Variants in MOGS observed in about 807,000 individuals in gnomAD.
MOGS encodes mannosyl-oligosaccharide glucosidase.
MOGS carries 45 observed loss-of-function variants against 68.5 expected under a neutral mutation model. The observed-to-expected ratio is 0.66, with a 90% CI of 0.52 to 0.84. The LOEUF (loss-of-function observed/expected upper bound fraction) is 0.84. Ranked by LOEUF, MOGS falls within the 40% of genes least tolerant of loss-of-function variation. The pLI is 0.00. For missense variants in MOGS, 1,020 were observed against 1,095.0 expected, an observed-to-expected ratio of 0.93 and a Z score of 0.97; for synonymous variants, 492 against 461.2, an observed-to-expected ratio of 1.07 and a Z score of -0.86.
rs1671966257 is a variant in MOGS, at chr2:74,462,867, C to G, written c.922G>C (p.Asp308His). ...LGLPGSLKWE[D>H]RGPSGQGQGQ... Reference sequence around the variant, plus strand: ...TGCCCTTGCCCACTTGGACCTCTGTCCTCCCACTTCAGGGATCCTGGCAAG... The same window carrying G: ...TGCCCTTGCCCACTTGGACCTCTGTGCTCCCACTTCAGGGATCCTGGCAAG... The change falls in exon 4 of 4, where the codon GAC becomes CAC. Residue 308 changes from aspartate to histidine, a missense_variant. Physicochemically the swap from Asp to His is moderately conservative, Grantham distance 81. This residue lies in a region of MOGS where 569 missense variants were observed against 571.9 expected (regional missense o/e 0.99). Transcript: ENST00000448666. 1.9e-6 allele frequency: 3 copies of G among 1,614,224 alleles called. No homozygotes were observed. Among genetic ancestry groups the G allele is most frequent in the Non-Finnish European group, 2.5e-6 (3 of 1,180,054 alleles).
In MOGS at chr2:74,464,881, C is replaced by A; in HGVS notation, c.352+15G>T. 6.2e-7 allele frequency: 1 copy of A among 1,604,224 alleles called. No individual in the cohort carries two copies. Among genetic ancestry groups the A allele is most frequent in the East Asian group, 2.2e-5 (1 of 44,516 alleles). On this transcript the variant is annotated intron_variant, in intron 1 of 3. Coordinates refer to ENST00000448666, the MANE Select transcript of MOGS (RefSeq NM_006302.3). Reference sequence around the variant, plus strand: ...TTAGGAGTCCGCCTGCCTGCCCGCCCTGGGGCCCGGTTACCGGTGAGGAGG... The same window carrying A: ...TTAGGAGTCCGCCTGCCTGCCCGCCATGGGGCCCGGTTACCGGTGAGGAGG...
chr2:74,461,945 G>A lies in MOGS; in HGVS notation c.1844C>T (p.Ala615Val). 1 of 1,614,116 alleles carries A rather than the reference G, an allele frequency of 6.2e-7. No individual in the cohort carries two copies. The highest frequency in any genetic ancestry group is 8.5e-7 in the Non-Finnish European group (1 of 1,180,018). Residue 615 changes from alanine to valine, a missense_variant, in exon 4 of 4, where the codon GCA (alanine) becomes GTA (valine). Physicochemically the swap from Ala to Val is moderately conservative, Grantham distance 64. This residue lies in a region of MOGS where 181 missense variants were observed against 261.8 expected (regional missense o/e 0.69). Transcript: ENST00000448666. ...ALGARVLTRL[A>V]EHLGEAEVAA... is the part of the protein sequence containing the mutation. ...TACCTCAGCCTCACCCAGATGCTCTGCCAGCCGCGTCAGCACACGGGCACC... is the reference window on the plus strand; with the variant it reads ...TACCTCAGCCTCACCCAGATGCTCTACCAGCCGCGTCAGCACACGGGCACC...
In MOGS at chr2:74,461,162, T is replaced by C; in HGVS notation, c.*113A>G. ...CAGCAAGGAGACACCTGAGATGAAA[T>C]GAGGAAGGTTTGAATTACTGGTATC... On this transcript the variant is annotated 3_prime_UTR_variant, in exon 4 of 4. Transcript: ENST00000448666. The C allele has an allele frequency of 3.4e-6, 4 of 1,192,276 alleles. No homozygotes were observed. Among genetic ancestry groups the C allele is most frequent in the Non-Finnish European group, 3.6e-6 (3 of 824,052 alleles). The allele number at this position is 1,192,276 out of a possible 1,614,324, so 73.9% of individuals were successfully genotyped here.
In MOGS at chr2:74,461,862, G is replaced by C. The variant is rs766413704; in HGVS notation, c.1927C>G (p.Leu643Val). 6.2e-7 allele frequency: 1 copy of C among 1,613,992 alleles called. No individual in the cohort carries two copies. The highest frequency in any genetic ancestry group is 8.5e-7 in the Non-Finnish European group (1 of 1,180,044). Residue 643 changes from leucine (L) to valine (V), a missense_variant, in exon 4 of 4, where the codon CTG (leucine) becomes GTG (valine). Physicochemically the swap from Leu to Val is conservative, Grantham distance 32. Around this residue, in one of 3 missense-constraint regions of MOGS, gnomAD observed 270 missense variants for 261.3 expected, o/e 1.03. Coordinates refer to ENST00000448666, the MANE Select transcript of MOGS (RefSeq NM_006302.3). ...ACTCCTAGCTCTGGGGCCCAGTGCA[G>C]CTCATCCAGGCTCTCTGCTGCCTCC... ...SLEAAESLDELHWAPELGVFA... is the reference protein window; with the variant it reads ...SLEAAESLDEVHWAPELGVFA...
chr2:74,462,260 G>C lies in MOGS; in HGVS notation c.1529C>G (p.Ala510Gly), dbSNP rs976305108. 3.1e-6 allele frequency: 5 copies of C among 1,613,904 alleles called. No individual in the cohort carries two copies. The African/African-American group carries it at 4.0e-5, about 13-fold the overall frequency. ...PEFLVQRAVH[A>G]NPPTLLLPVA... ...AGGCAAAAGTAGGGTTGGGGGGTTGGCGTGGACTGCTCGTTGTACTAGGAA... is the reference window on the plus strand; with the variant it reads ...AGGCAAAAGTAGGGTTGGGGGGTTGCCGTGGACTGCTCGTTGTACTAGGAA... Residue 510 changes from alanine to glycine, a missense_variant, in exon 4 of 4, where the codon GCC becomes GGC. By Grantham distance (60) the Ala-to-Gly change is moderately conservative (BLOSUM62 0). Around this residue, in one of 3 missense-constraint regions of MOGS, gnomAD observed 181 missense variants for 261.8 expected, o/e 0.69. Coordinates refer to ENST00000448666, the MANE Select transcript of MOGS (RefSeq NM_006302.3).
Position 74,461,475 on chromosome 2 carries a change from G to A in MOGS, c.2314C>T (p.Leu772=). Residue 772 remains leucine, a synonymous_variant, in exon 4 of 4, where the codon CTG becomes TTG. Coordinates refer to ENST00000448666, the MANE Select transcript of MOGS (RefSeq NM_006302.3). ...GCCCGAGCCTGGTGAGGACCCTCCAGATGCCCATAGTGGTGGAGTGCTCCC... is the reference window on the plus strand; with the variant it reads ...GCCCGAGCCTGGTGAGGACCCTCCAAATGCCCATAGTGGTGGAGTGCTCCC... ...ALGALHHYGH[L]EGPHQARAAK... The A allele has an allele frequency of 2.5e-6, 4 of 1,614,210 alleles. No homozygotes were observed. Among genetic ancestry groups the A allele is most frequent in the Non-Finnish European group, 3.4e-6 (4 of 1,180,038 alleles).
chr2:74,464,461 T>A, intron 2 of MOGS, 35 bp downstream of exon 2: 1 of 1,603,518 alleles, frequency 6.2e-7, no homozygotes. Context: ...ATGGAGGGGG[T>A]CTGGGCTGAG....
Position 74,463,465 on chromosome 2 carries a change from A to G in MOGS, c.580-79T>C, listed in dbSNP as rs1671986415. 5.5e-6 allele frequency: 8 copies of G among 1,443,810 alleles called. No homozygotes were observed. The South Asian group carries it at 8.1e-5, about 15-fold the overall frequency. 89.4% of individuals were successfully genotyped at this position (1,443,810 alleles called of 1,614,324 possible). A position where few individuals can be genotyped will look rare whatever the true frequency, so the allele number is the denominator to read the frequency against. ...GAATTCCCTCTTGAGAATCAGCCTT[A>G]GTGAGGGAAAGGAACAGTAGGCAGG... On this transcript the variant is annotated intron_variant, in intron 2 of 3. Transcript: ENST00000448666.
intron 2 of MOGS, chr2:74,463,622 C>T (rs1397788748): frequency 5.5e-6 from 3 of 543,158 alleles, no homozygotes. Context: ...GTACTATGTC[C>T]TACACTAAGA....
At chr2:74,464,048 C>T (rs1247090201) in intron 2 of MOGS, among the ~76,000 whole-genome samples, 3 of 151,334 alleles carry the variant, frequency 2.0e-5, no homozygotes, top group Non-Finnish European at 2.9e-5. Context: ...CAACCTCCAC[C>T]TCCCTGGTTC....
chr2:74,461,358 C>G lies in MOGS; in HGVS notation c.2431G>C (p.Asp811His). 6.2e-7 allele frequency: 1 copy of G among 1,614,134 alleles called. No homozygotes were observed. The highest frequency in any genetic ancestry group is 8.5e-7 in the Non-Finnish European group (1 of 1,180,054). The change falls in exon 4 of 4, where the codon GAC becomes CAC. Residue 811 changes from aspartate (D) to histidine (H), a missense_variant. By Grantham distance (81) the Asp-to-His change is moderately conservative. This residue lies in a region of MOGS where 270 missense variants were observed against 261.3 expected (regional missense o/e 1.03). Transcript: ENST00000448666. Reference protein sequence around the residue: ...ATGFLWEQYSDRDGRGMGCRP... With the variant: ...ATGFLWEQYSHRDGRGMGCRP... Reference sequence around the variant, plus strand: ...CAGCCCATGCCTCGCCCATCGCGGTCACTGTACTGCTCCCAAAGAAAGCCT... The same window carrying G: ...CAGCCCATGCCTCGCCCATCGCGGTGACTGTACTGCTCCCAAAGAAAGCCT...
rs768636030 is a variant in MOGS, at chr2:74,461,341, G to T, written c.2448C>A (p.Gly816=). Residue 816 remains glycine, a synonymous_variant, in exon 4 of 4, where the codon GGC becomes GGA. Coordinates refer to ENST00000448666, the MANE Select transcript of MOGS (RefSeq NM_006302.3). ...WEQYSDRDGR[G]MGCRPFHGWT... ...AGCCGTGGAAAGGGCGGCAGCCCAT[G>T]CCTCGCCCATCGCGGTCACTGTACT... 2 of 1,614,136 alleles carry T rather than the reference G, an allele frequency of 1.2e-6. No individual in the cohort carries two copies. The highest frequency in any genetic ancestry group is 2.2e-5 in the South Asian group (2 of 91,090).
intron 2 of MOGS, 63 bp from the exon 3 acceptor site, chr2:74,463,449 CTT>C (rs1671986263): frequency 1.3e-6 from 2 of 1,531,752 alleles, no homozygotes; most frequent in South Asian, 1.1e-5. Flanking sequence ...TGAATTCCCT[CTT>C]GAGAATCAGC....
Position 74,462,912 on chromosome 2 carries a change from G to A in MOGS, c.877C>T (p.Pro293Ser), listed in dbSNP as rs2268416. 0.21 allele frequency: 335,672 copies of A among 1,614,050 alleles called. 60,296 individuals are homozygous for A. The highest frequency in any genetic ancestry group is 0.83 in the East Asian group (37,364 of 44,880). The change falls in exon 4 of 4, where the codon CCC becomes TCC. Residue 293 changes from proline to serine, a missense_variant. By Grantham distance (74) the Pro-to-Ser change is moderately conservative. Around this residue, in one of 3 missense-constraint regions of MOGS, gnomAD observed 569 missense variants for 571.9 expected, o/e 0.99. Coordinates refer to ENST00000448666, the MANE Select transcript of MOGS (RefSeq NM_006302.3). ...GGCAAGCCGAGGTAGCGTTCAGGGG[G>A]GGCCCCTGGGGGCCGATGCTGAAAC... ...SWFQHRPPGA[P>S]PERYLGLPGS...
rs776932912 is a variant in MOGS, at chr2:74,461,756, C to A, written c.2033G>T (p.Arg678Leu). ...PPQGLVRVVG[R>L]PQPQLQYVDA... ...TACATACTGCAGTTGAGGTTGGGGCCGACCCACCACCCGAACGAGCCCCTG... is the reference window on the plus strand; with the variant it reads ...TACATACTGCAGTTGAGGTTGGGGCAGACCCACCACCCGAACGAGCCCCTG... The change falls in exon 4 of 4, where the codon CGG becomes CTG. Residue 678 changes from arginine to leucine, a missense_variant. By Grantham distance (102) the Arg-to-Leu change is moderately radical. This residue lies in a region of MOGS where 270 missense variants were observed against 261.3 expected (regional missense o/e 1.03). Transcript: ENST00000448666. 9.3e-6 allele frequency: 15 copies of A among 1,614,194 alleles called. No individual in the cohort carries two copies. The Admixed American group carries it at 2.3e-4, about 25-fold the overall frequency.
At position 74,463,176 on chromosome 2, in the gene MOGS, T is replaced by C; in HGVS notation, c.776+14A>G. ...CACCCCTTCCATCCCCCAACATTCT[T>C]TTCCCCCAGTTACCTGCCATACTTG... On this transcript the variant is annotated intron_variant, in intron 3 of 3. Coordinates refer to ENST00000448666, the MANE Select transcript of MOGS (RefSeq NM_006302.3). The C allele has an allele frequency of 6.2e-7, 1 of 1,613,976 alleles. No homozygotes were observed. The highest frequency in any genetic ancestry group is 8.5e-7 in the Non-Finnish European group (1 of 1,179,936).
chr2:74,465,350 T>A lies in MOGS; in HGVS notation c.-103A>T. ...CCGCCTCTCGCCCTGGCGACCACCG[T>A]CCGGTTAGCGACACCTGCCAGCCAG... On this transcript the variant is annotated 5_prime_UTR_variant, in exon 1 of 4. Coordinates refer to ENST00000448666, the MANE Select transcript of MOGS (RefSeq NM_006302.3). The A allele has an allele frequency of 1.6e-6, 1 of 642,984 alleles. No individual in the cohort carries two copies. Among genetic ancestry groups the A allele is most frequent in the Non-Finnish European group, 2.3e-6 (1 of 431,324 alleles). 39.8% of individuals were successfully genotyped at this position (642,984 alleles called of 1,614,324 possible).
At position 74,461,814 on chromosome 2, in the gene MOGS, T is replaced by C; in HGVS notation, c.1975A>G (p.Thr659Ala). The C allele has an allele frequency of 6.2e-7, 1 of 1,614,152 alleles. No homozygotes were observed. Among genetic ancestry groups the C allele is most frequent in the Non-Finnish European group, 8.5e-7 (1 of 1,180,030 alleles). The change falls in exon 4 of 4, where the codon ACA becomes GCA. Residue 659 changes from threonine to alanine, a missense_variant. Thr to Ala is a moderately conservative substitution (Grantham distance 58, BLOSUM62 0). Transcript: ENST00000448666. ...LGVFADFGNH[T>A]KAVQLKPRPP... is the part of the protein sequence containing the mutation. ...CTGGGCTTCAGCTGTACTGCTTTTG[T>C]GTGGTTCCCAAAGTCTGCAAAGACT...
rs1158159963 is a variant in MOGS, at chr2:74,464,682, A to G, written c.393T>C (p.Pro131=). 1 of 1,613,726 alleles carries G rather than the reference A, an allele frequency of 6.2e-7. No homozygotes were observed. Among genetic ancestry groups the G allele is most frequent in the Non-Finnish European group, 8.5e-7 (1 of 1,179,918 alleles). Residue 131 remains proline, a synonymous_variant, in exon 2 of 4, where the codon CCT becomes CCC. Coordinates refer to ENST00000448666, the MANE Select transcript of MOGS (RefSeq NM_006302.3). ...WAQQGTTPGT[P]KLRHTCEQGD... ...CCTGCTCACACGTGTGCCTGAGCTT[A>G]GGAGTCCCCGGGGTGGTGCCCTGCT...
Sources: allele counts gnomAD v4.1 joint callset (sites outside exome capture counted in the v4.1 genomes callset), GRCh38; gene constraint gnomAD v4.1.1; regional missense constraint gnomAD v4.1.1; transcripts MANE v1.5; gene names NCBI Gene and HGNC (gene_info 2026-07-23, HGNC 2026-07-21).